Variants in TMEM17 observed in about 807,000 individuals in gnomAD.
The protein encoded by TMEM17 is transmembrane protein 17.
Under a neutral mutation model 19.1 loss-of-function variants are expected in TMEM17, and 15 were observed. The observed-to-expected ratio is 0.78, with a 90% CI of 0.52 to 1.21. The LOEUF is 1.21. Among genes scored for constraint, TMEM17 ranks in the 50% most tolerant of loss-of-function variants. TMEM17 has a pLI of 0.00. For synonymous variants in TMEM17, 103 were observed against 86.9 expected (o/e 1.19, Z -1.03); for missense variants, 245 against 242.3 (o/e 1.01, Z -0.07).
the TMEM17 span, among the ~76,000 whole-genome samples, chr2:62,490,118 G>A: frequency 6.6e-6 from 1 of 152,192 alleles, no homozygotes; most frequent in Non-Finnish European, 1.5e-5. Context: ...AGAGGTTGCA[G>A]TGAGCTGAGA....
the TMEM17 span, among the ~76,000 whole-genome samples, chr2:62,472,316 C>T: frequency 6.6e-6 from 1 of 152,208 alleles, no homozygotes; most frequent in Non-Finnish European, 1.5e-5. Context: ...AGAACCATAG[C>T]AGAGTCTTGG....
the TMEM17 span, among the ~76,000 whole-genome samples, chr2:62,461,032 A>G: frequency 6.6e-6 from 1 of 152,182 alleles, no homozygotes; most frequent in African/African-American, 2.4e-5. Context: ...GAAGGCCCAT[A>G]CCCAGTGAGA....
chr2:62,475,998 G>A, the TMEM17 span, among the ~76,000 whole-genome samples: 1 of 152,208 alleles, frequency 6.6e-6, no homozygotes, highest in Non-Finnish European at 1.5e-5. Flanking sequence ...AGCCAGCTCA[G>A]TGTGTTCCCA....
chr2:62,498,579 G>A (rs10191909), downstream of TMEM17, among the ~76,000 whole-genome samples: 34,884 of 146,358 alleles, frequency 0.24, 4,379 homozygotes, highest in East Asian at 0.38. Flanking sequence ...AGCCGGGCGT[G>A]GTGGCGGGCG....
At chr2:62,504,210 C>A (rs186328825) in intron 1 of TMEM17, among the ~76,000 whole-genome samples, 4 of 152,282 alleles carry the variant, frequency 2.6e-5, no homozygotes, top group Admixed American at 2.6e-4. Flanking sequence ...TTATTATGAT[C>A]TACTTTTGCT....
the TMEM17 span, among the ~76,000 whole-genome samples, chr2:62,479,883 C>G: frequency 8.5e-6 from 1 of 118,110 alleles, no homozygotes; most frequent in Non-Finnish European, 1.7e-5. Context: ...AGAGTGAGAC[C>G]TGTCTCAAAA....
chr2:62,493,520 G>A, the TMEM17 span, among the ~76,000 whole-genome samples: 4 of 152,112 alleles, frequency 2.6e-5, no homozygotes, highest in Admixed American at 6.5e-5. Context: ...TGTGCTTATC[G>A]TCTCCTAGGA....
chr2:62,476,967 T>A, the TMEM17 span, among the ~76,000 whole-genome samples: 2 of 152,078 alleles, frequency 1.3e-5, no homozygotes, highest in African/African-American at 2.4e-5. Flanking sequence ...GCAGGTGGTT[T>A]ATTTGGAAGT....
At chr2:62,456,754 G>T in the TMEM17 span, among the ~76,000 whole-genome samples, 1 of 152,240 alleles carries the variant, frequency 6.6e-6, no homozygotes, top group South Asian at 2.1e-4. Context: ...GGTAGGCCCT[G>T]GAGGGAGACC....
At chr2:62,491,860 G>C in the TMEM17 span, among the ~76,000 whole-genome samples, 2 of 147,898 alleles carry the variant, frequency 1.4e-5, no homozygotes, top group African/African-American at 2.5e-5. Context: ...AGTCAGCTTT[G>C]ACCAACATGA....
chr2:62,501,352 C>T lies in TMEM17; in HGVS notation c.454G>A (p.Ala152Thr). 1.2e-6 allele frequency: 2 copies of T among 1,614,154 alleles called. No individual in the cohort carries two copies. Among genetic ancestry groups the T allele is most frequent in the Non-Finnish European group, 1.7e-6 (2 of 1,180,020 alleles). ...AGAAATGCTGCAACAACTTGGAAAG[C>T]AAGGAAGAGAGTGAAGATGATATGT... Reference protein sequence around the residue: ...AIHIIFTLFLAFQVVAAFLTL... With the variant: ...AIHIIFTLFLTFQVVAAFLTL... Residue 152 changes from alanine to threonine, a missense_variant, in exon 4 of 4, where the codon GCT (alanine) becomes ACT (threonine). Ala to Thr is a moderately conservative substitution (Grantham distance 58). Transcript: ENST00000335390.
chr2:62,468,001 C>A, the TMEM17 span, among the ~76,000 whole-genome samples: 3 of 151,922 alleles, frequency 2.0e-5, no homozygotes, highest in East Asian at 1.9e-4. Flanking sequence ...ACTCAGCATG[C>A]CCTCTGCTGG....
At chr2:62,481,696 A>AAGGT in the TMEM17 span, among the ~76,000 whole-genome samples, 6 of 81,738 alleles carry the variant, frequency 7.3e-5, no homozygotes, top group Non-Finnish European at 1.5e-4. Context: ...GAACCCCTTA[A>AAGGT]AGGTGTGTGT....
Position 62,501,002 on chromosome 2 carries a change from C to A in TMEM17, c.*207G>T. On this transcript the variant is annotated 3_prime_UTR_variant, in exon 4 of 4. Coordinates refer to ENST00000335390, the MANE Select transcript of TMEM17 (RefSeq NM_198276.3). ...CAAAAAAAATTAAGAAATTTGGCAT[C>A]AGGTGGACAACATCTAGGTTTTAGG... The A allele has an allele frequency of 2.3e-6, 1 of 430,452 alleles. No individual in the cohort carries two copies. The highest frequency in any genetic ancestry group is 3.6e-5 in the East Asian group (1 of 27,804). The allele number at this position is 430,452 out of a possible 1,614,324, so 26.7% of individuals were successfully genotyped here.
At chr2:62,477,794 G>A in the TMEM17 span, among the ~76,000 whole-genome samples, 2 of 152,220 alleles carry the variant, frequency 1.3e-5, no homozygotes, top group Admixed American at 6.5e-5. Flanking sequence ...GGAAGGGTAC[G>A]TGGCCTTAGG....
the TMEM17 span, among the ~76,000 whole-genome samples, chr2:62,488,332 A>G: frequency 2.0e-5 from 3 of 152,232 alleles, no homozygotes; most frequent in Non-Finnish European, 4.4e-5. Flanking sequence ...AAAGTTACTT[A>G]TATTTATTAA....
rs1679890407 is a variant in TMEM17 at position 62,500,343 on chromosome 2, A to C, written c.*866T>G. 1 of 152,234 alleles carries C rather than the reference A, an allele frequency of 6.6e-6. No homozygotes were observed. Among genetic ancestry groups the C allele is most frequent in the African/African-American group, 2.4e-5 (1 of 41,460 alleles). 9.4% of individuals were successfully genotyped at this position (152,234 alleles called of 1,614,324 possible). On this transcript the variant is annotated 3_prime_UTR_variant, in exon 4 of 4. Coordinates refer to ENST00000335390, the MANE Select transcript of TMEM17 (RefSeq NM_198276.3). ...ATAACAAAAATATTTCCTAAATACCAAGGCAATCCACCTGTTTTCTTCTTC... is the reference window on the plus strand; with the variant it reads ...ATAACAAAAATATTTCCTAAATACCCAGGCAATCCACCTGTTTTCTTCTTC...
chr2:62,477,019 GGAGA>G, the TMEM17 span, among the ~76,000 whole-genome samples: 1 of 152,090 alleles, frequency 6.6e-6, no homozygotes, highest in Non-Finnish European at 1.5e-5. Flanking sequence ...GAGGGACTGG[GGAGA>G]GAGAGGGAAG....
the TMEM17 span, among the ~76,000 whole-genome samples, chr2:62,477,320 C>T: frequency 3.9e-5 from 6 of 152,176 alleles, no homozygotes; most frequent in African/African-American, 1.4e-4. Flanking sequence ...TTGCTTGAAC[C>T]CAGGAGGCGG....
Sources: gnomAD v4.1 joint callset for allele counts (sites outside exome capture counted in the v4.1 genomes callset) on GRCh38, gnomAD v4.1.1 for gene constraint, MANE v1.5 for transcripts, NCBI Gene and HGNC (gene_info 2026-07-23, HGNC 2026-07-21) for gene names.